The following SCLT1 variants were observed in gnomAD, a reference collection of about 807,000 sequenced individuals.
SCLT1 encodes sodium channel and clathrin linker 1.
SCLT1 carries 78 observed loss-of-function variants against 112.8 expected under a neutral mutation model. That is an observed-to-expected ratio of 0.69 (90% CI 0.58 to 0.83). The LOEUF is 0.83. Ranked by LOEUF, SCLT1 falls within the 40% of genes least tolerant of loss-of-function variation. The pLI, the probability that SCLT1 is intolerant of heterozygous loss-of-function variation, is 0.00. For missense variants in SCLT1, 747 were observed against 770.4 expected, an observed-to-expected ratio of 0.97 and a Z score of 0.36; for synonymous variants, 257 against 254.7, an observed-to-expected ratio of 1.01 and a Z score of -0.09.
At chr4:129,001,218 A>G (rs1352651367) in intron 6 of SCLT1, among the ~76,000 whole-genome samples, 1 of 151,904 alleles carries the variant, frequency 6.6e-6, no homozygotes, top group Non-Finnish European at 1.5e-5. Context: ...TACACAACCC[A>G]GATTCTCCTA....
chr4:128,980,316 GC>G (rs1485233329), intron 9 of SCLT1, among the ~76,000 whole-genome samples: 1 of 151,722 alleles, frequency 6.6e-6, no homozygotes, highest in Non-Finnish European at 1.5e-5. Context: ...CTATTACCTG[GC>G]AAAAGTACAT....
intron 8 of SCLT1, among the ~76,000 whole-genome samples, chr4:128,995,234 T>G (rs1038079468): frequency 6.6e-6 from 1 of 152,132 alleles, no homozygotes; most frequent in African/African-American, 2.4e-5. Flanking sequence ...AATCATGTTT[T>G]GAATACGAAT....
At chr4:129,092,305 C>G (rs958365631) in intron 1 of SCLT1, among the ~76,000 whole-genome samples, 5 of 152,198 alleles carry the variant, frequency 3.3e-5, no homozygotes, top group African/African-American at 1.2e-4. Context: ...CTCAAACCAG[C>G]CGTATTGCAA....
intron 18 of SCLT1, among the ~76,000 whole-genome samples, chr4:128,910,547 ATCTT>A (rs1405622878): frequency 6.6e-6 from 1 of 152,136 alleles, no homozygotes; most frequent in Non-Finnish European, 1.5e-5. Context: ...TTTGTTTAGT[ATCTT>A]TCTTCATAAA....
intron 2 of SCLT1, among the ~76,000 whole-genome samples, chr4:129,053,365 A>T (rs773936642): frequency 1.3e-5 from 2 of 151,816 alleles, no homozygotes; most frequent in Non-Finnish European, 2.9e-5. Flanking sequence ...TGGGAGTGTA[A>T]GTCTCTTTGT....
intron 7 of SCLT1, 104 bp from the exon 8 acceptor site, chr4:128,998,043 T>A: frequency 2.2e-6 from 1 of 454,688 alleles, no homozygotes; most frequent in Non-Finnish European, 3.9e-6. Context: ...TGCCTAAGTT[T>A]AGATAAAATT....
chr4:128,957,939 C>T (rs930286772), intron 12 of SCLT1, among the ~76,000 whole-genome samples: 1 of 152,126 alleles, frequency 6.6e-6, no homozygotes, highest in Non-Finnish European at 1.5e-5. Context: ...CTGATTCTTC[C>T]TCATCTCCTG....
At position 128,959,588 on chromosome 4, in the gene SCLT1, T is replaced by C. The variant is rs770806266; in HGVS notation, c.1047+12A>G. 323 of 1,602,228 alleles carry C rather than the reference T, an allele frequency of 2.0e-4. No homozygotes were observed. The highest frequency in any genetic ancestry group is 2.5e-4 in the Non-Finnish European group (297 of 1,170,628). ...TTTTATTATATCTAAACATATTTAC[T>C]AGCTTTCTTACCTGACTTTTTTGAA... On this transcript the variant is annotated intron_variant, in intron 12 of 20. Coordinates refer to ENST00000281142, the MANE Select transcript of SCLT1 (RefSeq NM_144643.4).
intron 7 of SCLT1, 81 bp from the exon 8 acceptor site, chr4:128,998,020 T>C: frequency 3.4e-6 from 2 of 582,756 alleles, no homozygotes; most frequent in South Asian, 5.4e-5. Flanking sequence ...TAAAATCAAG[T>C]CTAAAATCAT....
At chr4:128,919,042 A>T (rs539480315) in intron 18 of SCLT1, among the ~76,000 whole-genome samples, 11 of 152,268 alleles carry the variant, frequency 7.2e-5, no homozygotes, top group Admixed American at 5.2e-4. Context: ...TAGCAAAGAT[A>T]TTCAGGATCT....
chr4:128,887,985 T>C (rs1218820693), intron 20 of SCLT1, among the ~76,000 whole-genome samples: 2 of 152,180 alleles, frequency 1.3e-5, no homozygotes, highest in African/African-American at 4.8e-5. Flanking sequence ...TAGGACATAA[T>C]TCTAGAGCAG....
At chr4:129,068,914 AT>A (rs1422312982) in intron 2 of SCLT1, among the ~76,000 whole-genome samples, 1 of 152,158 alleles carries the variant, frequency 6.6e-6, no homozygotes, top group Non-Finnish European at 1.5e-5. Context: ...CAGGTCTTAG[AT>A]TTAAGTCCTT....
At chr4:128,997,998 T>C (rs1341259708) in intron 7 of SCLT1, 59 bp from the exon 8 acceptor site, 5 of 800,196 alleles carry the variant, frequency 6.2e-6, no homozygotes, top group Non-Finnish European at 9.2e-6. Flanking sequence ...TAACCCATAT[T>C]TAAAATTAAA....
At chr4:129,005,075 T>C (rs1305842466) in intron 5 of SCLT1, among the ~76,000 whole-genome samples, 1 of 152,112 alleles carries the variant, frequency 6.6e-6, no homozygotes, top group Admixed American at 6.6e-5. Context: ...ATATATTTTC[T>C]AGCAGAATTT....
intron 4 of SCLT1, chr4:129,039,883 GGA>G (rs1747518375): frequency 7.5e-6 from 2 of 267,772 alleles, no homozygotes; most frequent in Non-Finnish European, 1.3e-5. Flanking sequence ...ATGAGCAAAT[GGA>G]GAGTGTGCGC....
At chr4:129,058,967 C>T (rs1326077873) in intron 2 of SCLT1, among the ~76,000 whole-genome samples, 1 of 152,056 alleles carries the variant, frequency 6.6e-6, no homozygotes, top group Non-Finnish European at 1.5e-5. Context: ...ATCCTCCTTT[C>T]TGAATTGATC....
intron 5 of SCLT1, among the ~76,000 whole-genome samples, chr4:129,029,178 T>C (rs575512285): frequency 1.3e-5 from 2 of 152,244 alleles, no homozygotes; most frequent in East Asian, 3.9e-4. Flanking sequence ...CATTACTGGG[T>C]ACATACCCAG....
At chr4:128,984,445 G>C (rs1222180265) in intron 9 of SCLT1, among the ~76,000 whole-genome samples, 1 of 152,082 alleles carries the variant, frequency 6.6e-6, no homozygotes, top group African/African-American at 2.4e-5. Context: ...TTCACTTTGA[G>C]TTTTCTATAA....
intron 2 of SCLT1, among the ~76,000 whole-genome samples, chr4:129,047,091 T>C (rs1490752079): frequency 6.6e-6 from 1 of 152,108 alleles, no homozygotes; most frequent in East Asian, 1.9e-4. Flanking sequence ...ACTTTCTTAA[T>C]GATGTCTTAA....
Sources: allele counts gnomAD v4.1 joint callset (sites outside exome capture counted in the v4.1 genomes callset), GRCh38; gene constraint gnomAD v4.1.1; transcripts MANE v1.5; gene names NCBI Gene and HGNC (gene_info 2026-07-23, HGNC 2026-07-21).